Variants in PRKN observed in about 807,000 individuals in gnomAD.
The protein encoded by PRKN is E3 ubiquitin-protein ligase parkin.
PRKN carries 56 observed loss-of-function variants against 59.5 expected under a neutral mutation model. That is an observed-to-expected ratio of 0.94 (90% CI 0.76 to 1.18). The LOEUF (loss-of-function observed/expected upper bound fraction) is 1.18. PRKN is among the 50% of genes most tolerant of loss of function. The probability of loss-of-function intolerance (pLI) is 0.00; values close to 1 mark genes in which losing one functional copy is unlikely to be tolerated. For synonymous variants in PRKN, 250 were observed against 222.1 expected, an observed-to-expected ratio of 1.13 and a Z score of -1.12; for missense variants, 657 against 596.4, an observed-to-expected ratio of 1.10 and a Z score of -1.06.
chr6:161,600,264 C>G (rs900618711), intron 7 of PRKN, among the ~76,000 whole-genome samples: 2 of 152,136 alleles, frequency 1.3e-5, no homozygotes, highest in African/African-American at 4.8e-5. Flanking sequence ...CTTTTCCACT[C>G]CCAGAGGATA....
intron 4 of PRKN, among the ~76,000 whole-genome samples, chr6:162,140,273 T>C (rs183847432): frequency 6.6e-6 from 1 of 152,346 alleles, no homozygotes; most frequent in East Asian, 1.9e-4. Flanking sequence ...GCCTTTTGCT[T>C]TTCATGATAA....
chr6:162,624,396 T>C (rs533333422), intron 1 of PRKN: 80 of 152,336 alleles, frequency 5.3e-4, no homozygotes, highest in African/African-American at 1.9e-3. Context: ...AATTATTCCA[T>C]TAACTCATTT....
At chr6:162,410,204 C>CT (rs11336621) in intron 2 of PRKN, among the ~76,000 whole-genome samples, 51 of 149,546 alleles carry the variant, frequency 3.4e-4, no homozygotes, top group Admixed American at 6.0e-4. Flanking sequence ...AGAATAAAAT[C>CT]TTTTTTTTTT....
intron 2 of PRKN, among the ~76,000 whole-genome samples, chr6:162,363,652 T>A (rs1048276743): frequency 1.3e-5 from 2 of 152,134 alleles, no homozygotes; most frequent in African/African-American, 4.8e-5. Context: ...AACAAAAACC[T>A]TTTAAAAAGA....
intron 5 of PRKN, among the ~76,000 whole-genome samples, chr6:161,975,251 A>C (rs1358802048): frequency 6.6e-6 from 1 of 151,910 alleles, no homozygotes; most frequent in Non-Finnish European, 1.5e-5. Flanking sequence ...ACGCCTGGCC[A>C]ATTTTTCGTA....
At chr6:161,880,639 T>C (rs950572417) in intron 6 of PRKN, among the ~76,000 whole-genome samples, 6 of 152,134 alleles carry the variant, frequency 3.9e-5, no homozygotes, top group African/African-American at 1.4e-4. Flanking sequence ...TGGCTTGGTC[T>C]CCACCGGCCA....
intron 1 of PRKN, among the ~76,000 whole-genome samples, chr6:162,482,918 T>C (rs1201996073): frequency 7.3e-6 from 1 of 136,670 alleles, no homozygotes; most frequent in Non-Finnish European, 1.6e-5. Context: ...GGCCTGAGGG[T>C]ATGCACTGAT....
At chr6:162,447,649 ATTTCT>A (rs1181667585) in intron 1 of PRKN, among the ~76,000 whole-genome samples, 3 of 152,160 alleles carry the variant, frequency 2.0e-5, no homozygotes, top group African/African-American at 2.4e-5. Flanking sequence ...GGGCCCTTAT[ATTTCT>A]TTTAAGACAA....
chr6:161,696,798 CACT>C (rs1196131710), intron 7 of PRKN, among the ~76,000 whole-genome samples: 2 of 152,282 alleles, frequency 1.3e-5, no homozygotes, highest in African/African-American at 2.4e-5. Flanking sequence ...CACACAAATG[CACT>C]ACTACTTTGT....
At chr6:161,643,316 G>A (rs1482763111) in intron 7 of PRKN, among the ~76,000 whole-genome samples, 2 of 152,158 alleles carry the variant, frequency 1.3e-5, no homozygotes, top group Non-Finnish European at 2.9e-5. Context: ...CCGGAGGGAG[G>A]AGAAATGCTG....
intron 2 of PRKN, among the ~76,000 whole-genome samples, chr6:162,295,575 T>G (rs1024637532): frequency 3.3e-5 from 5 of 152,148 alleles, no homozygotes; most frequent in African/African-American, 1.2e-4. Context: ...CATTAACTAA[T>G]TGTCCAATAA....
intron 2 of PRKN, among the ~76,000 whole-genome samples, chr6:162,380,942 G>T (rs1243180639): frequency 1.3e-5 from 2 of 152,126 alleles, no homozygotes; most frequent in Non-Finnish European, 2.9e-5. Flanking sequence ...CCACATGGGA[G>T]AGTCCAGCGA....
rs1000844809 is a variant in PRKN at position 161,737,996 on chromosome 6, C to T, written c.871+47776G>A. On this transcript the variant is annotated intron_variant, in intron 7 of 11. Transcript: ENST00000366898. Reference sequence around the variant, plus strand: ...TAATAGTTTGGAAAAGTTCATTTAACGAGCCCTCCTATTTGAACCTGGCCT... The same window carrying T: ...TAATAGTTTGGAAAAGTTCATTTAATGAGCCCTCCTATTTGAACCTGGCCT... Among the ~76,000 whole-genome samples, 8 of 152,296 alleles carry T rather than the reference C, an allele frequency of 5.3e-5. 1 individual carries two copies. Among genetic ancestry groups the T allele is most frequent in the Admixed American group, 2.6e-4 (4 of 15,298 alleles).
rs576675067 is a variant in PRKN, at chr6:161,360,383, C to T, written c.1168-178G>A. ...CAGCTACTAGGCGGATGGGGACACT[C>T]TCCCTGGCATGTGGCGTATGCGTAG... On this transcript the variant is annotated intron_variant, in intron 10 of 11. Transcript: ENST00000366898. This position sits in a 1 kb window ranked among gnomAD's most constrained non-coding sequence, Gnocchi z 5.1. Among the ~76,000 whole-genome samples the T allele has an allele frequency of 1.3e-5, 2 of 152,240 alleles. No individual in the cohort carries two copies. Among genetic ancestry groups the T allele is most frequent in the South Asian group, 4.1e-4 (2 of 4,834 alleles).
chr6:161,408,203 G>A (rs922413518), intron 9 of PRKN, among the ~76,000 whole-genome samples: 5 of 151,318 alleles, frequency 3.3e-5, no homozygotes, highest in Admixed American at 1.3e-4. Context: ...TCATCATTCC[G>A]CAAGATACAC....
intron 6 of PRKN, among the ~76,000 whole-genome samples, chr6:161,949,003 G>A (rs997924709): frequency 6.6e-6 from 1 of 152,194 alleles, no homozygotes; most frequent in African/African-American, 2.4e-5. Context: ...GAGGCTGGAG[G>A]GAAGTGGACC....
chr6:161,458,982 G>A lies in PRKN; in HGVS notation c.1084-72105C>T, dbSNP rs1405019768. ...CTCAAATCCCTTCATCTTATCTGGA[G>A]GGAAGACAGGAATGAAAACCATGAT... is the stretch of plus-strand genomic sequence containing the variant. On this transcript the variant is annotated intron_variant, in intron 9 of 11. Transcript: ENST00000366898. The surrounding 1 kb of genome is among the most constrained non-coding windows in gnomAD (Gnocchi z 6.1). 6.6e-6 allele frequency among the ~76,000 whole-genome samples: 1 copy of A among 151,968 alleles called. No individual in the cohort carries two copies. The highest frequency in any genetic ancestry group is 2.4e-5 in the African/African-American group (1 of 41,364).
intron 7 of PRKN, among the ~76,000 whole-genome samples, chr6:161,655,838 C>T (rs556838294): frequency 6.7e-6 from 1 of 149,418 alleles, no homozygotes; most frequent in East Asian, 2.0e-4. Flanking sequence ...CCAGTTCAAA[C>T]TCACCACACA....
chr6:162,062,285 CA>C (rs2128288057), intron 4 of PRKN, among the ~76,000 whole-genome samples: 1 of 152,206 alleles, frequency 6.6e-6, no homozygotes, highest in Admixed American at 6.5e-5. Context: ...TAACAATTCT[CA>C]AAATCAGCCT....
Sources: allele counts gnomAD v4.1 joint callset (sites outside exome capture counted in the v4.1 genomes callset), GRCh38; gene constraint gnomAD v4.1.1; non-coding constraint Gnocchi (gnomAD v3.1); transcripts MANE v1.5; gene names NCBI Gene and HGNC (gene_info 2026-07-23, HGNC 2026-07-21).